Variants in MARCHF8 observed in about 807,000 individuals in gnomAD.
MARCHF8 encodes membrane associated ring-CH-type finger 8, also known as E3 ubiquitin-protein ligase MARCHF8.
In MARCHF8, 40 loss-of-function variants were observed where a neutral mutation model predicts 51.6. The ratio of observed to expected loss-of-function variants is 0.77; its 90% confidence interval spans 0.60 to 1.01. The LOEUF (loss-of-function observed/expected upper bound fraction) is 1.01. Among genes scored for constraint, MARCHF8 ranks in the 50% least tolerant of loss-of-function variants. The probability of loss-of-function intolerance (pLI) is 0.00; values close to 1 mark genes in which losing one functional copy is unlikely to be tolerated. For missense variants in MARCHF8, 685 were observed against 708.6 expected (o/e 0.97, Z 0.38); for synonymous variants, 263 against 280.3 (o/e 0.94, Z 0.62).
At chr10:45,474,776 T>G (rs1012539573) in intron 3 of MARCHF8, among the ~76,000 whole-genome samples, 2 of 152,058 alleles carry the variant, frequency 1.3e-5, no homozygotes, top group African/African-American at 4.8e-5. Context: ...GAGAGGGCAG[T>G]CAGGCAAGGC....
chr10:45,469,682 G>A (rs909934477), intron 3 of MARCHF8, among the ~76,000 whole-genome samples: 3 of 151,736 alleles, frequency 2.0e-5, no homozygotes, highest in South Asian at 4.2e-4. Flanking sequence ...TGGCTAACAC[G>A]GTGAAACCCC....
chr10:45,460,863 T>C (rs996598744), intron 6 of MARCHF8, among the ~76,000 whole-genome samples: 1 of 152,212 alleles, frequency 6.6e-6, no homozygotes, highest in South Asian at 2.1e-4. Flanking sequence ...GCTGGGGAGA[T>C]ACTAATCTCC....
At chr10:45,495,398 G>A (rs1465148690) in intron 2 of MARCHF8, among the ~76,000 whole-genome samples, 1 of 151,696 alleles carries the variant, frequency 6.6e-6, no homozygotes, top group African/African-American at 2.4e-5. Context: ...CTAGATTCCT[G>A]CATCTGTTTA....
chr10:45,475,184 T>C (rs34771643), intron 3 of MARCHF8, among the ~76,000 whole-genome samples: 9,429 of 152,242 alleles, frequency 0.062, 335 homozygotes, highest in Non-Finnish European at 0.067. Context: ...CCCTGCTGCT[T>C]CCAGCAGTGA....
chr10:45,570,013 T>A (rs2044412128), intron 1 of MARCHF8, among the ~76,000 whole-genome samples: 1 of 152,084 alleles, frequency 6.6e-6, no homozygotes, highest in Non-Finnish European at 1.5e-5. Flanking sequence ...GATAAAACTT[T>A]TAAAATCTAA....
intron 3 of MARCHF8, among the ~76,000 whole-genome samples, chr10:45,485,282 G>A (rs1033493267): frequency 1.3e-4 from 20 of 152,124 alleles, no homozygotes; most frequent in African/African-American, 3.6e-4. Context: ...TGATAAGTGC[G>A]ATCCTGAAAA....
intron 2 of MARCHF8, among the ~76,000 whole-genome samples, chr10:45,528,796 A>T (rs1297033207): frequency 1.3e-5 from 2 of 152,232 alleles, no homozygotes; most frequent in Non-Finnish European, 2.9e-5. Flanking sequence ...GATGTGAAAG[A>T]TCTCTACAAG....
In MARCHF8 at chr10:45,524,681, G is replaced by A. The variant is rs976851585; in HGVS notation, c.102+8429C>T. ...TGCTGAGAGACCCAACTAATAATAC[G>A]TGATTATAAGGGATTTTTATCCTGC... On this transcript the variant is annotated intron_variant, in intron 2 of 7. Transcript: ENST00000453424. Among the ~76,000 whole-genome samples, 7 of 152,272 alleles carry A rather than the reference G, an allele frequency of 4.6e-5. 1 individual carries two copies. The highest frequency in any genetic ancestry group is 3.3e-4 in the Admixed American group (5 of 15,300).
intron 2 of MARCHF8, among the ~76,000 whole-genome samples, chr10:45,515,458 TC>T (rs2043602411): frequency 6.6e-6 from 1 of 152,238 alleles, no homozygotes; most frequent in South Asian, 2.1e-4. Flanking sequence ...ACAAACAAGT[TC>T]CCCAAGTGTT....
intron 1 of MARCHF8, among the ~76,000 whole-genome samples, chr10:45,580,591 G>A (rs1232936788): frequency 1.3e-5 from 2 of 152,168 alleles, no homozygotes; most frequent in African/African-American, 4.8e-5. Context: ...TGTAAAAAAT[G>A]TATCTAGCTA....
At chr10:45,536,450 A>G (rs963090321), upstream of MARCHF8, among the ~76,000 whole-genome samples, 56 of 152,240 alleles carry the variant, frequency 3.7e-4, no homozygotes, top group African/African-American at 1.3e-3. Context: ...CACCACTGAG[A>G]AAGGGAAAAC....
rs182794231 is a variant in MARCHF8 at position 45,471,235 on chromosome 10, G to C, written c.154-6908C>G. 3.4e-3 allele frequency among the ~76,000 whole-genome samples: 512 copies of C among 152,288 alleles called. 2 individuals are homozygous for C. Among genetic ancestry groups the C allele is most frequent in the Non-Finnish European group, 3.6e-3 (246 of 68,016 alleles). On this transcript the variant is annotated intron_variant, in intron 3 of 7. Transcript: ENST00000453424. ...TACAGTGGCCTTTTAAAGGGAGTCG[G>C]AATTACTTGAGTAGCAATAAATCCC... is the stretch of plus-strand genomic sequence containing the variant.
intron 1 of MARCHF8, among the ~76,000 whole-genome samples, chr10:45,566,162 A>G (rs1417463577): frequency 1.3e-5 from 2 of 152,212 alleles, no homozygotes; most frequent in African/African-American, 4.8e-5. Flanking sequence ...GGCACACAGT[A>G]GGTGTATATA....
chr10:45,590,520 G>A (rs1038183637), intron 1 of MARCHF8, among the ~76,000 whole-genome samples: 43 of 152,086 alleles, frequency 2.8e-4, no homozygotes, highest in Admixed American at 2.0e-3. Context: ...ACTGGTGTAC[G>A]CACCTGACAA....
intron 2 of MARCHF8, among the ~76,000 whole-genome samples, chr10:45,495,760 G>T (rs2043163086): frequency 6.9e-6 from 1 of 145,274 alleles, no homozygotes; most frequent in Non-Finnish European, 1.5e-5. Context: ...GGGGAGGGGA[G>T]GGGAGGGGAT....
At chr10:45,592,574 A>G (rs2044692977) in intron 1 of MARCHF8, among the ~76,000 whole-genome samples, 1 of 152,254 alleles carries the variant, frequency 6.6e-6, no homozygotes, top group Non-Finnish European at 1.5e-5. Context: ...ACTTACCACC[A>G]GAAGTATAAA....
At chr10:45,468,860 A>C (rs1257683001) in intron 3 of MARCHF8, among the ~76,000 whole-genome samples, 1 of 152,196 alleles carries the variant, frequency 6.6e-6, no homozygotes, top group African/African-American at 2.4e-5. Flanking sequence ...GGAAGCAGGT[A>C]TGCTTATACA....
At chr10:45,482,959 G>A (rs183784091) in intron 3 of MARCHF8, among the ~76,000 whole-genome samples, 2 of 152,212 alleles carry the variant, frequency 1.3e-5, no homozygotes, top group African/African-American at 4.8e-5. Context: ...TGAAACTGAA[G>A]CCCTCTCTCT....
At chr10:45,517,113 G>C (rs2043632499) in intron 2 of MARCHF8, among the ~76,000 whole-genome samples, 1 of 152,194 alleles carries the variant, frequency 6.6e-6, no homozygotes, top group African/African-American at 2.4e-5. Context: ...TCAAAACATG[G>C]ACACCAAATT....
Sources: allele counts gnomAD v4.1 joint callset (sites outside exome capture counted in the v4.1 genomes callset), GRCh38; gene constraint gnomAD v4.1.1; transcripts MANE v1.5; gene names NCBI Gene and HGNC (gene_info 2026-07-23, HGNC 2026-07-21).